Variants in PHC2 observed in about 807,000 individuals in gnomAD.
The protein encoded by PHC2 is polyhomeotic-like protein 2.
PHC2 carries 29 observed loss-of-function variants against 87.4 expected under a neutral mutation model. That is an observed-to-expected ratio of 0.33 (90% CI 0.25 to 0.45). The LOEUF (loss-of-function observed/expected upper bound fraction) is 0.45. Among genes scored for constraint, PHC2 ranks in the 20% least tolerant of loss-of-function variants. PHC2 has a pLI of 1.00. For synonymous variants in PHC2, 438 were observed against 461.7 expected (o/e 0.95, Z 0.66); for missense variants, 857 against 1,136.7 (o/e 0.75, Z 3.54).
chr1:33,416,225 T>G (rs1474401918), intron 1 of PHC2, among the ~76,000 whole-genome samples: 2 of 151,844 alleles, frequency 1.3e-5, no homozygotes, highest in African/African-American at 4.8e-5. Flanking sequence ...AAGAAAACCT[T>G]AAAAGTAACC....
intron 1 of PHC2, among the ~76,000 whole-genome samples, chr1:33,396,647 C>A (rs1259454132): frequency 6.6e-6 from 1 of 152,172 alleles, no homozygotes; most frequent in Non-Finnish European, 1.5e-5. Flanking sequence ...CCTGTTAAAG[C>A]CCATGGCCTT....
In PHC2 at chr1:33,328,900, C is replaced by T; in HGVS notation, c.2395G>A (p.Asp799Asn). 2 of 1,613,128 alleles carry T rather than the reference C, an allele frequency of 1.2e-6. No homozygotes were observed. Among genetic ancestry groups the T allele is most frequent in the Non-Finnish European group, 1.7e-6 (2 of 1,179,174 alleles). ...AGAGAGCGGATGAATTCGTAGACGT[C>T]TTCTACATTCCACTTGGTGGGCTCA... ...PSEPTKWNVE[D>N]VYEFIRSLPG... The change falls in exon 14 of 15, where the codon GAC (aspartate) becomes AAC (asparagine). Residue 799 changes from aspartate (D) to asparagine (N), a missense_variant. Transcript: ENST00000683057.
At chr1:33,398,109 G>A (rs777133545) in intron 1 of PHC2, among the ~76,000 whole-genome samples, 3 of 152,160 alleles carry the variant, frequency 2.0e-5, no homozygotes, top group Non-Finnish European at 4.4e-5. Context: ...ACTGCTTTTT[G>A]CTTCTCTTTC....
chr1:33,346,486 T>G, intron 9 of PHC2: 1 of 985,356 alleles, frequency 1.0e-6, no homozygotes, highest in Non-Finnish European at 1.2e-6. Flanking sequence ...AAGAGAATCT[T>G]TCTATGGCTG....
At chr1:33,326,942 C>G (rs1463490367) in intron 14 of PHC2, among the ~76,000 whole-genome samples, 1 of 152,008 alleles carries the variant, frequency 6.6e-6, no homozygotes, top group Admixed American at 6.6e-5. Flanking sequence ...GAGCAAGCCT[C>G]TATCTCAAAA....
rs1647520480 is a variant in PHC2 at position 33,367,298 on chromosome 1, G to A, written c.794C>T (p.Pro265Leu). The change falls in exon 7 of 15, where the codon CCA becomes CTA. Residue 265 changes from proline (P) to leucine (L), a missense_variant. Coordinates refer to ENST00000683057, the MANE Select transcript of PHC2 (RefSeq NM_001385109.1). The stretch of plus-strand genomic sequence containing the variant: ...CTGAGCAGTATTTCTGCTCTGTGCT[G>A]GGGTAGGCAGAGGCTGGCTACCGCC... ...TPGGSQPLPT[P>L]AQSRNTAQAS... 6.2e-7 allele frequency: 1 copy of A among 1,613,838 alleles called. No homozygotes were observed. The highest frequency in any genetic ancestry group is 1.3e-5 in the African/African-American group (1 of 74,924).
chr1:33,337,905 C>A (rs780126645), intron 9 of PHC2, among the ~76,000 whole-genome samples: 5 of 152,234 alleles, frequency 3.3e-5, no homozygotes, highest in Non-Finnish European at 5.9e-5. Flanking sequence ...ACAGTCACAT[C>A]TCTGACTGAG....
At chr1:33,394,193 C>G (rs947971314) in intron 1 of PHC2, among the ~76,000 whole-genome samples, 1 of 152,004 alleles carries the variant, frequency 6.6e-6, no homozygotes, top group Non-Finnish European at 1.5e-5. Context: ...CAAACTTATA[C>G]AGTTACAAAG....
chr1:33,365,914 C>A (rs1411929347), intron 7 of PHC2, among the ~76,000 whole-genome samples: 1 of 152,218 alleles, frequency 6.6e-6, no homozygotes, highest in Non-Finnish European at 1.5e-5. Context: ...GGCTCATGTG[C>A]CATGTCCTCT....
intron 13 of PHC2, 110 bp from the exon 14 acceptor site, chr1:33,329,256 G>T: frequency 9.6e-7 from 1 of 1,042,930 alleles, no homozygotes; most frequent in Non-Finnish European, 1.4e-6. Flanking sequence ...CTACACATCT[G>T]AGTTCCCAGA....
At chr1:33,353,362 C>T (rs1228423313) in intron 9 of PHC2, 2 of 152,188 alleles carry the variant, frequency 1.3e-5, no homozygotes, top group African/African-American at 4.8e-5. Context: ...CAGGTTTTGA[C>T]TTCATTTGAA....
chr1:33,402,716 C>T (rs1421607747), intron 1 of PHC2, among the ~76,000 whole-genome samples: 2 of 152,034 alleles, frequency 1.3e-5, no homozygotes, highest in African/African-American at 2.4e-5. Context: ...AGTATAATTC[C>T]ATTTATACAG....
At chr1:33,325,934 T>C (rs1161974702) in intron 14 of PHC2, 1 of 456,432 alleles carries the variant, frequency 2.2e-6, no homozygotes, top group Non-Finnish European at 4.4e-6. Context: ...AGAAGTCTCA[T>C]GGCCTTTAGG....
chr1:33,384,553 C>T (rs776372908), intron 1 of PHC2, among the ~76,000 whole-genome samples: 1 of 152,174 alleles, frequency 6.6e-6, no homozygotes, highest in Non-Finnish European at 1.5e-5. Context: ...CATTGCCTAC[C>T]ACGTGCTCCC....
chr1:33,397,308 A>G (rs1649335098), intron 1 of PHC2, among the ~76,000 whole-genome samples: 1 of 152,172 alleles, frequency 6.6e-6, no homozygotes, highest in East Asian at 1.9e-4. Context: ...GTCACAGGCC[A>G]GTAGTTGAGG....
In PHC2 at chr1:33,349,144, C is replaced by A; in HGVS notation, c.1558+5257G>T. ...TGTCCCTTTCCATCCAATTAAAAAC[C>A]TCGTGAGACTGAACTAGATTAAAAA... On this transcript the variant is annotated intron_variant, in intron 9 of 14. Coordinates refer to ENST00000683057, the MANE Select transcript of PHC2 (RefSeq NM_001385109.1). This position sits in a 1 kb window ranked among gnomAD's most constrained non-coding sequence, Gnocchi z 4.2. The A allele has an allele frequency of 2.0e-6, 2 of 985,422 alleles. No homozygotes were observed. The highest frequency in any genetic ancestry group is 2.4e-6 in the Non-Finnish European group (2 of 829,906). 61.0% of individuals were successfully genotyped at this position (985,422 alleles called of 1,614,324 possible). A position where few individuals can be genotyped will look rare whatever the true frequency, so the allele number is the denominator to read the frequency against.
chr1:33,331,450 T>C lies in PHC2; in HGVS notation c.1904A>G (p.Glu635Gly). Residue 635 changes from glutamate (E) to glycine (G), a missense_variant, in exon 12 of 15, where the codon GAG becomes GGG. Physicochemically the swap from Glu to Gly is moderately conservative, Grantham distance 98. Coordinates refer to ENST00000683057, the MANE Select transcript of PHC2 (RefSeq NM_001385109.1). This position sits in a 1 kb window ranked among gnomAD's most constrained non-coding sequence, Gnocchi z 5.2. ...EEPYLQESKE[E>G]GAPLKLKCEL... The stretch of plus-strand genomic sequence containing the variant: ...ACACTTGAGTTTGAGGGGAGCACCC[T>C]CCTCTTTGGATTCTGAAAAGTATAG... 6.2e-7 allele frequency: 1 copy of C among 1,600,488 alleles called. No homozygotes were observed. The highest frequency in any genetic ancestry group is 8.6e-7 in the Non-Finnish European group (1 of 1,168,278).
At chr1:33,401,859 G>A (rs551038945) in intron 1 of PHC2, among the ~76,000 whole-genome samples, 3 of 152,172 alleles carry the variant, frequency 2.0e-5, no homozygotes, top group Non-Finnish European at 4.4e-5. Flanking sequence ...CCAAGTTAAA[G>A]TAAACTAAAT....
At chr1:33,360,515 C>T (rs1361505670) in intron 7 of PHC2, among the ~76,000 whole-genome samples, 1 of 152,226 alleles carries the variant, frequency 6.6e-6, no homozygotes, top group Non-Finnish European at 1.5e-5. Flanking sequence ...TCTTGACTTG[C>T]TGTTCTGTAA....
Sources: allele counts gnomAD v4.1 joint callset (sites outside exome capture counted in the v4.1 genomes callset), GRCh38; gene constraint gnomAD v4.1.1; non-coding constraint Gnocchi (gnomAD v3.1); transcripts MANE v1.5; gene names NCBI Gene and HGNC (gene_info 2026-07-23, HGNC 2026-07-21).